The following EXOC4 variants were observed in gnomAD, a reference collection of about 807,000 sequenced individuals.
The protein encoded by EXOC4 is SEC8-like 1.
In EXOC4, 71 loss-of-function variants were observed where a neutral mutation model predicts 107.2. That is an observed-to-expected ratio of 0.66 (90% confidence interval 0.55 to 0.81). The LOEUF (loss-of-function observed/expected upper bound fraction) is 0.81, where lower values mean the gene tolerates loss of function less well. Ranked by LOEUF, EXOC4 falls within the 30% of genes least tolerant of loss-of-function variation. The pLI, the probability that EXOC4 is intolerant of heterozygous loss-of-function variation, is 0.00. For missense variants in EXOC4, 1,108 were observed against 1,189.6 expected, an observed-to-expected ratio of 0.93 and a Z score of 1.01; for synonymous variants, 456 against 441.2, an observed-to-expected ratio of 1.03 and a Z score of -0.42.
intron 4 of EXOC4, among the ~76,000 whole-genome samples, chr7:133,316,511 T>C (rs1429463485): frequency 1.3e-5 from 2 of 152,232 alleles, no homozygotes; most frequent in Admixed American, 6.5e-5. Flanking sequence ...TGGCATAGCC[T>C]GCATTCTTTC....
rs1176460817 is a variant in EXOC4, at chr7:133,823,886, A to AT, written c.1734+6343dup. 3.5e-4 allele frequency among the ~76,000 whole-genome samples: 8 copies of AT among 22,676 alleles called. No homozygotes were observed. In the African/African-American group the frequency reaches 4.7e-3, roughly 13 times the overall value. 14.9% of individuals were successfully genotyped at this position (22,676 alleles called of 152,430 possible). The stretch of plus-strand genomic sequence containing the variant: ...ATATATATATATTATATATATATAT[A>AT]TATATATTTTATATATATATATATA... On this transcript the variant is annotated intron_variant, in intron 11 of 17. Coordinates refer to ENST00000253861, the MANE Select transcript of EXOC4 (RefSeq NM_021807.4).
intron 10 of EXOC4, among the ~76,000 whole-genome samples, chr7:133,776,995 G>A (rs1337461496): frequency 6.6e-6 from 1 of 152,080 alleles, no homozygotes; most frequent in Non-Finnish European, 1.5e-5. Context: ...AAAACAAAAA[G>A]GAGCAGGAGC....
intron 17 of EXOC4, among the ~76,000 whole-genome samples, chr7:134,032,860 AT>A (rs1250975546): frequency 2.6e-5 from 4 of 152,244 alleles, no homozygotes; most frequent in African/African-American, 4.8e-5. Context: ...CTGGGCAAAG[AT>A]TAATGCCATG....
chr7:133,284,242 G>A (rs1794224507), intron 2 of EXOC4, among the ~76,000 whole-genome samples: 1 of 152,186 alleles, frequency 6.6e-6, no homozygotes, highest in Non-Finnish European at 1.5e-5. Flanking sequence ...AGTTTGCCAA[G>A]CTTTACTGAC....
chr7:133,671,788 C>CA, intron 10 of EXOC4, among the ~76,000 whole-genome samples: 1 of 152,158 alleles, frequency 6.6e-6, no homozygotes, highest in South Asian at 2.1e-4. Flanking sequence ...AAGCATATCG[C>CA]AAAGGTTTTT....
At chr7:133,737,909 C>CT (rs10673346) in intron 10 of EXOC4, among the ~76,000 whole-genome samples, 7,857 of 88,792 alleles carry the variant, frequency 0.088, 641 homozygotes, top group African/African-American at 0.12. Flanking sequence ...ATTTTTCTTT[C>CT]TTTTTTTTTT....
intron 9 of EXOC4, chr7:133,576,621 T>TA: frequency 1.6e-6 from 2 of 1,289,780 alleles, no homozygotes; most frequent in Non-Finnish European, 2.0e-6. Context: ...GATAACCACC[T>TA]AGCTATTGCT....
intron 14 of EXOC4, among the ~76,000 whole-genome samples, chr7:133,949,823 CCAGCCAGATATGACAAGT>C (rs1387186466): frequency 6.6e-6 from 1 of 152,162 alleles, no homozygotes; most frequent in Non-Finnish European, 1.5e-5. Context: ...TATTTCCAAA[CCAGCCAGATATGACAAGT>C]CATTTTCTTC....
chr7:134,004,354 A>G (rs575942989), intron 15 of EXOC4, among the ~76,000 whole-genome samples: 1 of 152,282 alleles, frequency 6.6e-6, no homozygotes, highest in Non-Finnish European at 1.5e-5. Context: ...CTTATGAGAC[A>G]GGTGTTGTTT....
At chr7:133,602,929 G>T (rs1441959544) in intron 9 of EXOC4, among the ~76,000 whole-genome samples, 2 of 152,146 alleles carry the variant, frequency 1.3e-5, no homozygotes, top group East Asian at 3.8e-4. Context: ...TGGGTGGCAG[G>T]CATGGCTCCC....
chr7:133,546,440 T>G (rs1045856243), intron 9 of EXOC4, among the ~76,000 whole-genome samples: 9 of 151,740 alleles, frequency 5.9e-5, no homozygotes, highest in Non-Finnish European at 1.3e-4. Context: ...ATTTTTTGTT[T>G]GAGATGAGGT....
intron 14 of EXOC4, among the ~76,000 whole-genome samples, chr7:133,964,139 G>A (rs1437548206): frequency 3.3e-5 from 5 of 152,272 alleles, no homozygotes; most frequent in Non-Finnish European, 7.3e-5. Context: ...AAAATAGGCA[G>A]TGTGTAAGTC....
chr7:133,883,609 C>T (rs950071680), intron 11 of EXOC4, among the ~76,000 whole-genome samples: 23 of 151,854 alleles, frequency 1.5e-4, no homozygotes, highest in Non-Finnish European at 7.4e-5. Flanking sequence ...CACTACTGCA[C>T]TCCAGTCTGA....
intron 10 of EXOC4, among the ~76,000 whole-genome samples, chr7:133,801,531 G>A (rs1286174212): frequency 6.6e-6 from 1 of 152,152 alleles, no homozygotes; most frequent in Admixed American, 6.5e-5. Flanking sequence ...CACAGGGATG[G>A]ATCCTGTGGG....
intron 9 of EXOC4, among the ~76,000 whole-genome samples, chr7:133,558,201 C>CTTTTCTTTTCTTTTCTTTTTTTTTT (rs1554471700): frequency 1.6e-5 from 2 of 125,856 alleles, no homozygotes; most frequent in Non-Finnish European, 1.6e-5. Flanking sequence ...CTTTTCTTTT[C>CTTTTCTTTTCTTTTCTTTTTTTTTT]TTTTCTTTTC....
At position 133,669,944 on chromosome 7, in the gene EXOC4, C is replaced by T. The variant is rs139683982; in HGVS notation, c.1514+39803C>T. Among the ~76,000 whole-genome samples the T allele has an allele frequency of 4.6e-3, 697 of 152,134 alleles. 6 individuals are homozygous for T. Among genetic ancestry groups the T allele is most frequent in the East Asian group, 0.019 (100 of 5,188 alleles). On this transcript the variant is annotated intron_variant, in intron 10 of 17. Transcript: ENST00000253861. ...ATCTGGCATTGTAGCTGTGATTTGG[C>T]GGGGGATGGGGTGTTAGGAAGTTCA...
chr7:134,057,391 A>T (rs1435624948), intron 17 of EXOC4, among the ~76,000 whole-genome samples: 1 of 149,868 alleles, frequency 6.7e-6, no homozygotes, highest in East Asian at 1.9e-4. Flanking sequence ...AACTGTCCTG[A>T]TACAGAATAT....
At chr7:133,777,065 A>T (rs1226336406) in intron 10 of EXOC4, among the ~76,000 whole-genome samples, 1 of 152,160 alleles carries the variant, frequency 6.6e-6, no homozygotes, top group African/African-American at 2.4e-5. Flanking sequence ...TTATATTTTT[A>T]AACATTATTT....
At chr7:133,581,202 G>A (rs1016873545) in intron 9 of EXOC4, among the ~76,000 whole-genome samples, 10 of 152,140 alleles carry the variant, frequency 6.6e-5, no homozygotes, top group African/African-American at 2.4e-4. Context: ...TTTGAAGTTG[G>A]CTGGAAGCTA....
Sources: gnomAD v4.1 joint callset for allele counts (sites outside exome capture counted in the v4.1 genomes callset) on GRCh38, gnomAD v4.1.1 for gene constraint, MANE v1.5 for transcripts, NCBI Gene and HGNC (gene_info 2026-07-23, HGNC 2026-07-21) for gene names.